The following NEGR1 variants were observed in gnomAD, a reference collection of about 807,000 sequenced individuals.
The protein encoded by NEGR1 is IgLON family member 4.
A neutral mutation model predicts 40.9 loss-of-function variants in NEGR1; 10 were observed. The observed-to-expected ratio is 0.24, with a 90% CI of 0.15 to 0.42. NEGR1 has a LOEUF of 0.42. Ranked by LOEUF, NEGR1 falls within the 10% of genes least tolerant of loss-of-function variation. The pLI is 1.00. For synonymous variants in NEGR1, 185 were observed against 166.8 expected, an observed-to-expected ratio of 1.11 and a Z score of -0.84; for missense variants, 352 against 438.9, an observed-to-expected ratio of 0.80 and a Z score of 1.77.
intron 1 of NEGR1, among the ~76,000 whole-genome samples, chr1:72,269,751 A>C (rs116244409): frequency 0.019 from 2,939 of 151,658 alleles, 39 homozygotes; most frequent in South Asian, 0.042. Flanking sequence ...TATGGATGAG[A>C]GGTTTTTTTC....
At chr1:71,679,636 T>A (rs2101608637) in intron 4 of NEGR1, among the ~76,000 whole-genome samples, 1 of 152,198 alleles carries the variant, frequency 6.6e-6, no homozygotes, top group Middle Eastern at 3.4e-3. Context: ...ATAGAGGCAA[T>A]TTGGCAGCTT....
intron 1 of NEGR1, among the ~76,000 whole-genome samples, chr1:72,096,372 AAACT>A (rs1175203404): frequency 6.6e-6 from 1 of 152,158 alleles, no homozygotes; most frequent in Non-Finnish European, 1.5e-5. Flanking sequence ...ATAAGAAGTT[AAACT>A]AATAGGATAA....
chr1:71,664,181 C>G (rs969971275), intron 4 of NEGR1, among the ~76,000 whole-genome samples: 1 of 152,134 alleles, frequency 6.6e-6, no homozygotes, highest in Non-Finnish European at 1.5e-5. Flanking sequence ...TGCATCTGTA[C>G]CACAAGCTCA....
At chr1:71,923,306 G>T (rs1645737514) in intron 2 of NEGR1, among the ~76,000 whole-genome samples, 1 of 152,116 alleles carries the variant, frequency 6.6e-6, no homozygotes, top group African/African-American at 2.4e-5. Flanking sequence ...AGGGAATGCT[G>T]CTAGTGTCCA....
At chr1:72,131,038 T>A (rs1219896356) in intron 1 of NEGR1, among the ~76,000 whole-genome samples, 1 of 152,218 alleles carries the variant, frequency 6.6e-6, no homozygotes, top group Non-Finnish European at 1.5e-5. Context: ...CTATTGCTCA[T>A]GTTGTAAGGT....
At chr1:71,576,384 T>G (rs1169737789) in intron 6 of NEGR1, among the ~76,000 whole-genome samples, 1 of 152,168 alleles carries the variant, frequency 6.6e-6, no homozygotes. Context: ...AACAAAAAAC[T>G]TATTTTAACC....
intron 6 of NEGR1, among the ~76,000 whole-genome samples, chr1:71,461,039 C>T (rs1646711083): frequency 6.6e-6 from 1 of 151,958 alleles, no homozygotes; most frequent in African/African-American, 2.4e-5. Flanking sequence ...GTATGGTGAA[C>T]TTTCTACTCA....
chr1:72,133,967 A>G (rs935461757), intron 1 of NEGR1, among the ~76,000 whole-genome samples: 9 of 152,102 alleles, frequency 5.9e-5, no homozygotes, highest in Admixed American at 4.6e-4. Context: ...TCATAAAACC[A>G]TAACTTTGTT....
intron 2 of NEGR1, among the ~76,000 whole-genome samples, chr1:71,918,031 C>T (rs2101879905): frequency 1.3e-5 from 2 of 150,228 alleles, no homozygotes; most frequent in Non-Finnish European, 3.0e-5. Flanking sequence ...TCCTATCTAA[C>T]ATGGTGAAAC....
chr1:71,611,438 C>T (rs1650246853), intron 4 of NEGR1, among the ~76,000 whole-genome samples: 1 of 152,184 alleles, frequency 6.6e-6, no homozygotes, highest in Non-Finnish European at 1.5e-5. Context: ...AACACTCCAT[C>T]TGTACTCCAG....
intron 6 of NEGR1, among the ~76,000 whole-genome samples, chr1:71,434,621 A>T (rs934075176): frequency 2.6e-5 from 4 of 152,372 alleles, no homozygotes; most frequent in African/African-American, 9.6e-5. Flanking sequence ...CATTGGAGTC[A>T]CAAGAAGTGC....
At chr1:72,177,044 TA>T (rs1652193862) in intron 1 of NEGR1, among the ~76,000 whole-genome samples, 1 of 152,048 alleles carries the variant, frequency 6.6e-6, no homozygotes, top group Admixed American at 6.6e-5. Flanking sequence ...ACTAAAGAAA[TA>T]ATTATATCAT....
At chr1:71,777,443 G>T (rs1417235406) in intron 2 of NEGR1, among the ~76,000 whole-genome samples, 1 of 151,974 alleles carries the variant, frequency 6.6e-6, no homozygotes, top group East Asian at 1.9e-4. Flanking sequence ...CCTTAAAATT[G>T]TTCTCAGAAA....
At chr1:72,009,616 AG>A (rs1187174727) in intron 1 of NEGR1, among the ~76,000 whole-genome samples, 2 of 152,144 alleles carry the variant, frequency 1.3e-5, no homozygotes, top group African/African-American at 4.8e-5. Context: ...GGATTAGGGC[AG>A]GACATATGTG....
chr1:72,017,618 G>A (rs1053973079), intron 1 of NEGR1, among the ~76,000 whole-genome samples: 2 of 151,912 alleles, frequency 1.3e-5, no homozygotes, highest in Non-Finnish European at 2.9e-5. Flanking sequence ...CAGAATCAGA[G>A]CTTTTCTTAA....
At chr1:71,899,029 T>TGTGTGTGC (rs1196680029) in intron 2 of NEGR1, among the ~76,000 whole-genome samples, 2 of 137,018 alleles carry the variant, frequency 1.5e-5, no homozygotes, top group African/African-American at 5.6e-5. Flanking sequence ...AACTAATGTG[T>TGTGTGTGC]GTGTGTGCGT....
At chr1:71,968,437 T>C (rs926086277) in intron 1 of NEGR1, among the ~76,000 whole-genome samples, 10 of 152,222 alleles carry the variant, frequency 6.6e-5, no homozygotes, top group Non-Finnish European at 1.2e-4. Context: ...AAATATTTAT[T>C]GAATTTCTAT....
intron 6 of NEGR1, among the ~76,000 whole-genome samples, chr1:71,475,273 C>T (rs1373079051): frequency 6.6e-6 from 1 of 151,872 alleles, no homozygotes. Context: ...TATTATTTTC[C>T]ATATATGGCT....
intron 4 of NEGR1, among the ~76,000 whole-genome samples, chr1:71,620,133 A>C (rs1650564598): frequency 6.6e-6 from 1 of 152,082 alleles, no homozygotes; most frequent in Non-Finnish European, 1.5e-5. Context: ...GCCATGTTAA[A>C]TAACTGCAAC....
Sources: allele counts gnomAD v4.1 joint callset (sites outside exome capture counted in the v4.1 genomes callset), GRCh38; gene constraint gnomAD v4.1.1; transcripts MANE v1.5; gene names NCBI Gene and HGNC (gene_info 2026-07-23, HGNC 2026-07-21).